The following LDLRAP1 variants were observed in gnomAD, a reference collection of about 807,000 sequenced individuals.
LDLRAP1 encodes low density lipoprotein receptor adapter protein 1.
Under a neutral mutation model 37.8 loss-of-function variants are expected in LDLRAP1, and 30 were observed. That is an observed-to-expected ratio of 0.79 (90% CI 0.59 to 1.08). LDLRAP1 has a LOEUF of 1.08. Ranked by LOEUF, LDLRAP1 falls within the 50% of genes least tolerant of loss-of-function variation. The probability of loss-of-function intolerance (pLI) is 0.00; values close to 1 mark genes in which losing one functional copy is unlikely to be tolerated. For synonymous variants in LDLRAP1, 156 were observed against 169.8 expected (o/e 0.92, Z 0.63); for missense variants, 375 against 401.6 (o/e 0.93, Z 0.57).
intron 1 of LDLRAP1, among the ~76,000 whole-genome samples, chr1:25,548,172 C>T (rs1218711187): frequency 6.6e-6 from 1 of 152,144 alleles, no homozygotes; most frequent in African/African-American, 2.4e-5. Flanking sequence ...GGACTCTTCT[C>T]TCAATATGAG....
the LDLRAP1 span, among the ~76,000 whole-genome samples, chr1:25,581,041 G>C: frequency 2.0e-5 from 3 of 152,176 alleles, no homozygotes; most frequent in Non-Finnish European, 4.4e-5. Flanking sequence ...TGTCTAGACT[G>C]AGTACTTCCT....
the LDLRAP1 span, among the ~76,000 whole-genome samples, chr1:25,583,912 C>G: frequency 1.3e-5 from 2 of 152,192 alleles, no homozygotes; most frequent in African/African-American, 4.8e-5. Flanking sequence ...TCTGGCTTCT[C>G]TCGCTCTGTG....
rs1001750023 is a variant in LDLRAP1 at position 25,555,852 on chromosome 1, A to T, written c.344+880A>T. Among the ~76,000 whole-genome samples, 1 of 152,156 alleles carries T rather than the reference A, an allele frequency of 6.6e-6. No homozygotes were observed. Among genetic ancestry groups the T allele is most frequent in the African/African-American group, 2.4e-5 (1 of 41,420 alleles). On this transcript the variant is annotated intron_variant, in intron 3 of 8. Transcript: ENST00000374338. This position sits in a 1 kb window ranked among gnomAD's most constrained non-coding sequence, Gnocchi z 4.7. ...CCAGATGAGGACTCCAATCCTGCTCATTGCCCTCAAGGAGCTTCCACTCTA... is the reference window on the plus strand; with the variant it reads ...CCAGATGAGGACTCCAATCCTGCTCTTTGCCCTCAAGGAGCTTCCACTCTA...
chr1:25,547,211 G>A (rs921808497), intron 1 of LDLRAP1, among the ~76,000 whole-genome samples: 11 of 152,088 alleles, frequency 7.2e-5, no homozygotes, highest in Non-Finnish European at 1.0e-4. Flanking sequence ...AGCAGGGCGC[G>A]GTGGCTCATG....
At chr1:25,546,019 C>T (rs971255308) in intron 1 of LDLRAP1, among the ~76,000 whole-genome samples, 16 of 152,146 alleles carry the variant, frequency 1.1e-4, no homozygotes, top group African/African-American at 2.9e-4. Flanking sequence ...ACATTCCTAG[C>T]GCAGGGGTCT....
At chr1:25,572,268 G>A (rs1292526374), downstream of LDLRAP1, among the ~76,000 whole-genome samples, 1 of 152,206 alleles carries the variant, frequency 6.6e-6, no homozygotes, top group African/African-American at 2.4e-5. Flanking sequence ...CATGAGAGCT[G>A]TGAGAAAGGG....
At chr1:25,584,070 C>A in the LDLRAP1 span, among the ~76,000 whole-genome samples, 1 of 152,174 alleles carries the variant, frequency 6.6e-6, no homozygotes, top group Non-Finnish European at 1.5e-5. Context: ...CCAGACCGTG[C>A]TCCTGTCTGT....
At chr1:25,589,172 C>T in the LDLRAP1 span, among the ~76,000 whole-genome samples, 4 of 152,040 alleles carry the variant, frequency 2.6e-5, no homozygotes, top group South Asian at 2.1e-4. Context: ...GGCGTGGTGG[C>T]GCACATCTGT....
chr1:25,559,120 G>T (rs1186901183), intron 4 of LDLRAP1, among the ~76,000 whole-genome samples: 1 of 152,182 alleles, frequency 6.6e-6, no homozygotes, highest in East Asian at 1.9e-4. Context: ...GCTCCAAGTT[G>T]CTGTGGCATC....
At chr1:25,553,812 G>T (rs527875698) in intron 1 of LDLRAP1, 110 bp from the exon 2 acceptor site, 19 of 1,182,566 alleles carry the variant, frequency 1.6e-5, no homozygotes, top group South Asian at 2.6e-5. Flanking sequence ...TGGTGGGGGA[G>T]ACCCCCATCC....
intron 4 of LDLRAP1, among the ~76,000 whole-genome samples, chr1:25,560,601 C>T (rs1374986865): frequency 2.6e-5 from 4 of 152,190 alleles, no homozygotes; most frequent in South Asian, 2.1e-4. Flanking sequence ...GCTGCTCCCT[C>T]CCCCATGACC....
At chr1:25,556,247 C>T (rs894061278) in intron 3 of LDLRAP1, among the ~76,000 whole-genome samples, 1 of 152,080 alleles carries the variant, frequency 6.6e-6, no homozygotes, top group Non-Finnish European at 1.5e-5. Context: ...GGCTACCGGC[C>T]CCTCCCCGAT....
chr1:25,557,849 C>T (rs527798086), intron 4 of LDLRAP1, among the ~76,000 whole-genome samples: 1 of 151,982 alleles, frequency 6.6e-6, no homozygotes, highest in East Asian at 1.9e-4. Context: ...TCTCACGGCT[C>T]TGCAAGGTGG....
chr1:25,562,142 A>T (rs77050091), intron 4 of LDLRAP1, among the ~76,000 whole-genome samples: 4,063 of 152,274 alleles, frequency 0.027, 58 homozygotes, highest in African/African-American at 0.036. Context: ...TATGGTCCCA[A>T]CCGGAACCTA....
the LDLRAP1 span, among the ~76,000 whole-genome samples, chr1:25,586,495 T>C: frequency 4.6e-5 from 7 of 151,274 alleles, no homozygotes; most frequent in South Asian, 8.3e-4. The surrounding 1 kb of genome is among the most constrained non-coding windows in gnomAD (Gnocchi z 4.3). Context: ...TGTGCGTGTG[T>C]GTGTGTGCAT....
intron 1 of LDLRAP1, among the ~76,000 whole-genome samples, chr1:25,545,459 T>TATC: frequency 6.6e-6 from 1 of 152,144 alleles, no homozygotes; most frequent in South Asian, 2.1e-4. Context: ...CTGGCAGGAG[T>TATC]ATCAAGGAGA....
chr1:25,578,437 C>T, the LDLRAP1 span, among the ~76,000 whole-genome samples: 1 of 152,052 alleles, frequency 6.6e-6, no homozygotes, highest in South Asian at 2.1e-4. Context: ...TGATAGATTA[C>T]AGAGGCATCA....
At chr1:25,572,918 A>AGG, downstream of LDLRAP1, among the ~76,000 whole-genome samples, 2 of 152,280 alleles carry the variant, frequency 1.3e-5, no homozygotes, top group East Asian at 3.9e-4. Context: ...CACCTAGAAG[A>AGG]GGGGGCATGG....
At chr1:25,572,000 G>A (rs2044610966), downstream of LDLRAP1, among the ~76,000 whole-genome samples, 1 of 152,204 alleles carries the variant, frequency 6.6e-6, no homozygotes. Context: ...TGGGCTTGCA[G>A]TAGGCCAGCG....
Sources: gnomAD v4.1 joint callset for allele counts (sites outside exome capture counted in the v4.1 genomes callset) on GRCh38, gnomAD v4.1.1 for gene constraint, Gnocchi (gnomAD v3.1) non-coding constraint, MANE v1.5 for transcripts, NCBI Gene and HGNC (gene_info 2026-07-23, HGNC 2026-07-21) for gene names.